Variants in NKAIN2 observed in about 807,000 individuals in gnomAD.
The protein encoded by NKAIN2 is sodium/potassium-transporting ATPase subunit beta-1-interacting protein 2.
A neutral mutation model predicts 32.6 loss-of-function variants in NKAIN2; 14 were observed. That is an observed-to-expected ratio of 0.43 (90% confidence interval 0.28 to 0.67). The LOEUF (loss-of-function observed/expected upper bound fraction) is 0.67, where lower values mean the gene tolerates loss of function less well. Among genes scored for constraint, NKAIN2 ranks in the 30% least tolerant of loss-of-function variants. The probability of loss-of-function intolerance (pLI) is 0.17; values close to 1 mark genes in which losing one functional copy is unlikely to be tolerated. For missense variants in NKAIN2, 198 were observed against 258.3 expected (o/e 0.77, Z 1.60); for synonymous variants, 80 against 87.2 (o/e 0.92, Z 0.46).
In NKAIN2 at chr6:124,311,451, T is replaced by C. The variant is rs1796709609; in HGVS notation, c.192+28309T>C. On this transcript the variant is annotated intron_variant, in intron 2 of 6. Coordinates refer to ENST00000368417, the MANE Select transcript of NKAIN2 (RefSeq NM_001040214.3). ...ACATGCTTCCATTGTGTGGATATGC[T>C]TCTGGGCCACCCTGAAAATATTTAT... Among the ~76,000 whole-genome samples the C allele has an allele frequency of 2.0e-5, 3 of 152,156 alleles. No individual in the cohort carries two copies. The South Asian group carries it at 6.2e-4, about 31-fold the overall frequency.
chr6:124,743,433 AT>A (rs1777314344), intron 4 of NKAIN2, among the ~76,000 whole-genome samples: 1 of 125,024 alleles, frequency 8.0e-6, no homozygotes, highest in Non-Finnish European at 1.9e-5. Flanking sequence ...TAAATCGATC[AT>A]TATTAACATT....
At chr6:124,771,082 G>C (rs1778731192) in intron 4 of NKAIN2, among the ~76,000 whole-genome samples, 2 of 152,042 alleles carry the variant, frequency 1.3e-5, no homozygotes, top group Admixed American at 1.3e-4. Context: ...AATTCCATGA[G>C]TATCTTGACT....
chr6:124,697,279 CAGA>C (rs1163326124), intron 4 of NKAIN2, among the ~76,000 whole-genome samples: 2 of 152,002 alleles, frequency 1.3e-5, no homozygotes, highest in African/African-American at 2.4e-5. Context: ...ATGTAGGAAT[CAGA>C]AGAAGAAGGA....
At chr6:124,498,138 C>A (rs1452995073) in intron 3 of NKAIN2, among the ~76,000 whole-genome samples, 1 of 152,208 alleles carries the variant, frequency 6.6e-6, no homozygotes, top group Non-Finnish European at 1.5e-5. Flanking sequence ...AGTTTGAAAT[C>A]TGGGAAAGTT....
intron 1 of NKAIN2, among the ~76,000 whole-genome samples, chr6:124,150,158 A>T (rs1387102427): frequency 6.6e-6 from 1 of 152,130 alleles, no homozygotes; most frequent in Non-Finnish European, 1.5e-5. Flanking sequence ...GAAGGTTTGC[A>T]TCCTTTCCCT....
chr6:124,483,103 C>A (rs1359280692), intron 3 of NKAIN2, among the ~76,000 whole-genome samples: 4 of 150,950 alleles, frequency 2.6e-5, no homozygotes, highest in Non-Finnish European at 5.9e-5. Flanking sequence ...GCCTGGACGA[C>A]AGAGACTGTG....
At chr6:124,084,150 G>T (rs1198880380) in intron 1 of NKAIN2, among the ~76,000 whole-genome samples, 1 of 151,918 alleles carries the variant, frequency 6.6e-6, no homozygotes, top group African/African-American at 2.4e-5. Flanking sequence ...ATAAGGAACA[G>T]ATTGGAGTGG....
At chr6:124,771,059 C>T (rs1051834146) in intron 4 of NKAIN2, among the ~76,000 whole-genome samples, 8 of 152,098 alleles carry the variant, frequency 5.3e-5, no homozygotes, top group African/African-American at 1.9e-4. Flanking sequence ...TATGAGACTT[C>T]CCTGCAGATC....
At chr6:124,095,337 C>A (rs1357322479) in intron 1 of NKAIN2, among the ~76,000 whole-genome samples, 1 of 152,136 alleles carries the variant, frequency 6.6e-6, no homozygotes, top group Non-Finnish European at 1.5e-5. Context: ...ACACAGGTTA[C>A]AGTTGACCCC....
chr6:124,040,194 C>A (rs931196459), intron 1 of NKAIN2, among the ~76,000 whole-genome samples: 1 of 151,898 alleles, frequency 6.6e-6, no homozygotes, highest in Non-Finnish European at 1.5e-5. Context: ...TTATTATTTT[C>A]ATACGTTGTG....
intron 5 of NKAIN2, among the ~76,000 whole-genome samples, chr6:124,794,417 A>T (rs192371450): frequency 4.6e-5 from 7 of 152,300 alleles, no homozygotes; most frequent in Non-Finnish European, 8.8e-5. Flanking sequence ...CTGTTGAAAG[A>T]TCAAGTTATC....
intron 5 of NKAIN2, chr6:124,804,480 C>A: frequency 3.1e-6 from 3 of 952,662 alleles, no homozygotes; most frequent in Non-Finnish European, 3.7e-6. Flanking sequence ...AATGTGTTAC[C>A]AAGCTTAAAA....
chr6:124,343,658 G>A lies in NKAIN2; in HGVS notation c.193-11609G>A, dbSNP rs186452203. Among the ~76,000 whole-genome samples the A allele has an allele frequency of 2.2e-3, 321 of 149,082 alleles. 1 individual carries two copies. The highest frequency in any genetic ancestry group is 0.011 in the East Asian group (54 of 5,004). On this transcript the variant is annotated intron_variant, in intron 2 of 6. Transcript: ENST00000368417. ...TGAGAAGTGTCTGTTGATATCCTTCGCCCACTTTTTGATGGGGTTGTTTGT... is the reference window on the plus strand; with the variant it reads ...TGAGAAGTGTCTGTTGATATCCTTCACCCACTTTTTGATGGGGTTGTTTGT...
chr6:124,314,960 C>A (rs571439153), intron 2 of NKAIN2, among the ~76,000 whole-genome samples: 1 of 151,982 alleles, frequency 6.6e-6, no homozygotes, highest in Admixed American at 6.6e-5. Flanking sequence ...AATAAAGAGG[C>A]CTTGCTTCAG....
chr6:123,977,977 C>T (rs1021318045), intron 1 of NKAIN2, among the ~76,000 whole-genome samples: 20 of 152,052 alleles, frequency 1.3e-4, no homozygotes, highest in Admixed American at 2.6e-4. Flanking sequence ...GCTAGATGAG[C>T]ATGAAGAACA....
In NKAIN2 at chr6:123,884,355, T is replaced by C. The variant is rs138804499; in HGVS notation, c.54+80101T>C. On this transcript the variant is annotated intron_variant, in intron 1 of 6. Transcript: ENST00000368417. ...ATTTTCTTTATCCAGTCTATCTCTT[T>C]ATAGCAGTGCAAGAACAGACTAACA... Among the ~76,000 whole-genome samples the C allele has an allele frequency of 4.9e-3, 749 of 152,318 alleles. 5 individuals carry two copies. Among genetic ancestry groups the C allele is most frequent in the African/African-American group, 0.017 (712 of 41,554 alleles).
At chr6:124,386,174 G>A (rs968115650) in intron 3 of NKAIN2, among the ~76,000 whole-genome samples, 1 of 152,092 alleles carries the variant, frequency 6.6e-6, no homozygotes, top group African/African-American at 2.4e-5. Flanking sequence ...TTGCAAAATT[G>A]GCCTTGTTTG....
rs549618978 is a variant in NKAIN2 at position 123,868,410 on chromosome 6, A to T, written c.54+64156A>T. Among the ~76,000 whole-genome samples, 23 of 152,346 alleles carry T rather than the reference A, an allele frequency of 1.5e-4. No homozygotes were observed. In the South Asian group the frequency reaches 4.3e-3, roughly 29 times the overall value. Reference sequence around the variant, plus strand: ...GACCATTTTTCCATAATAGTTTGCCATAAGAAGAGTTTTTGTACGTATTAA... The same window carrying T: ...GACCATTTTTCCATAATAGTTTGCCTTAAGAAGAGTTTTTGTACGTATTAA... On this transcript the variant is annotated intron_variant, in intron 1 of 6. Coordinates refer to ENST00000368417, the MANE Select transcript of NKAIN2 (RefSeq NM_001040214.3).
intron 3 of NKAIN2, among the ~76,000 whole-genome samples, chr6:124,454,107 G>T (rs200022293): frequency 0.22 from 6,703 of 30,200 alleles, 569 homozygotes; most frequent in African/African-American, 0.3. Context: ...TTTTTTTTTT[G>T]GGGGGGGGGG....
Sources: gnomAD v4.1 joint callset for allele counts (sites outside exome capture counted in the v4.1 genomes callset) on GRCh38, gnomAD v4.1.1 for gene constraint, MANE v1.5 for transcripts, NCBI Gene and HGNC (gene_info 2026-07-23, HGNC 2026-07-21) for gene names.